ZNF555: variants seen among roughly 807,000 people sequenced by gnomAD.
The protein encoded by ZNF555 is zinc finger protein 555.
In ZNF555, 10 loss-of-function variants were observed where a neutral mutation model predicts 14.0. The ratio of observed to expected loss-of-function variants is 0.72; its 90% confidence interval spans 0.44 to 1.21. The LOEUF is 1.21. Among genes scored for constraint, ZNF555 ranks in the 50% most tolerant of loss-of-function variants. The pLI, the probability that ZNF555 is intolerant of heterozygous loss-of-function variation, is 0.00. For synonymous variants in ZNF555, 277 were observed against 262.4 expected (o/e 1.06, Z -0.54); for missense variants, 747 against 762.0 (o/e 0.98, Z 0.23).
chr19:2,845,086 A>T (rs1021180310), intron 1 of ZNF555, among the ~76,000 whole-genome samples: 2 of 152,212 alleles, frequency 1.3e-5, no homozygotes, highest in Non-Finnish European at 2.9e-5. Context: ...TGGACATGGT[A>T]GCCATGAGGA....
At chr19:2,841,718 C>G (rs1157992211) in intron 1 of ZNF555, 143 bp downstream of exon 1, 15 of 975,468 alleles carry the variant, frequency 1.5e-5, no homozygotes, top group South Asian at 3.4e-5. Flanking sequence ...CCCCGGGGGT[C>G]CCGCCCGGCC....
At chr19:2,848,489 C>T (rs2087601553) in intron 1 of ZNF555, among the ~76,000 whole-genome samples, 1 of 151,796 alleles carries the variant, frequency 6.6e-6, no homozygotes, top group Non-Finnish European at 1.5e-5. Flanking sequence ...TACTGTGTTT[C>T]TCAGGCTGTA....
chr19:2,845,876 C>G (rs1024943540), intron 1 of ZNF555, among the ~76,000 whole-genome samples: 1 of 152,198 alleles, frequency 6.6e-6, no homozygotes, highest in Non-Finnish European at 1.5e-5. Context: ...AAACTTAGAC[C>G]TGGGTGTCTT....
chr19:2,843,793 A>C (rs545737740), intron 1 of ZNF555, among the ~76,000 whole-genome samples: 2 of 152,336 alleles, frequency 1.3e-5, no homozygotes, highest in South Asian at 4.1e-4. Flanking sequence ...TATCCTCTGC[A>C]ATGCCGGCCC....
At chr19:2,841,975 G>A (rs1396039099) in intron 1 of ZNF555, among the ~76,000 whole-genome samples, 4 of 151,912 alleles carry the variant, frequency 2.6e-5, no homozygotes, top group Admixed American at 2.0e-4. Flanking sequence ...AGACCCCGAG[G>A]TGCGGTCCAG....
chr19:2,853,867 C>A lies in ZNF555; in HGVS notation c.1802C>A (p.Ala601Glu). ...AAGTGTAATGTAGGACATCCTCCTG[C>A]AAATGAATTCATGTGCAGTGCTTCA... ...QYKCNVGHPP[A>E]NEFMCSASEK... The change falls in exon 4 of 4, where the codon GCA (alanine) becomes GAA (glutamate). Residue 601 changes from alanine to glutamate, a missense_variant. Ala to Glu is a moderately radical substitution (Grantham distance 107). Coordinates refer to ENST00000334241, the MANE Select transcript of ZNF555 (RefSeq NM_152791.5). The A allele has an allele frequency of 6.2e-7, 1 of 1,614,048 alleles. No individual in the cohort carries two copies. Among genetic ancestry groups the A allele is most frequent in the Non-Finnish European group, 8.5e-7 (1 of 1,180,028 alleles).
rs1166773539 is a variant in ZNF555, at chr19:2,860,289, G to A, written c.*6337G>A. Reference sequence around the variant, plus strand: ...GTCTCAGTGGTGGTCCCTGTTTTCAGGAAAGAGTGTCTGTGAATGTCCATG... The same window carrying A: ...GTCTCAGTGGTGGTCCCTGTTTTCAAGAAAGAGTGTCTGTGAATGTCCATG... On this transcript the variant is annotated 3_prime_UTR_variant, in exon 4 of 4. Transcript: ENST00000334241. 2.0e-5 allele frequency: 3 copies of A among 152,062 alleles called. No homozygotes were observed. The highest frequency in any genetic ancestry group is 4.4e-5 in the Non-Finnish European group (3 of 68,018). 9.4% of individuals were successfully genotyped at this position (152,062 alleles called of 1,614,324 possible).
intron 1 of ZNF555, among the ~76,000 whole-genome samples, chr19:2,841,950 A>G (rs1034601020): frequency 2.0e-5 from 3 of 151,580 alleles, no homozygotes; most frequent in Non-Finnish European, 4.4e-5. Context: ...GGGCCGCGGG[A>G]GGCAGAGTCG....
chr19:2,842,998 G>A (rs2087551176), intron 1 of ZNF555, among the ~76,000 whole-genome samples: 1 of 151,148 alleles, frequency 6.6e-6, no homozygotes, highest in Non-Finnish European at 1.5e-5. Context: ...AGCTGAGAAC[G>A]CGCCATTGCA....
Position 2,852,820 on chromosome 19 carries a change from G to C in ZNF555, c.755G>C (p.Gly252Ala). The change falls in exon 4 of 4, where the codon GGA becomes GCA. Residue 252 changes from glycine to alanine, a missense_variant. Transcript: ENST00000334241. ...ACTAGTCATCTCAGAAGTCACACCGGAGAGAAGCCATATAAGTGTAAGGAA... is the reference window on the plus strand; with the variant it reads ...ACTAGTCATCTCAGAAGTCACACCGCAGAGAAGCCATATAAGTGTAAGGAA... ...SLTSHLRSHT[G>A]EKPYKCKECG... 1.2e-6 allele frequency: 2 copies of C among 1,614,166 alleles called. No individual in the cohort carries two copies. The highest frequency in any genetic ancestry group is 1.7e-6 in the Non-Finnish European group (2 of 1,180,030).
At position 2,857,989 on chromosome 19, in the gene ZNF555, C is replaced by G. The variant is rs1406050220; in HGVS notation, c.*4037C>G. 1 of 152,274 alleles carries G rather than the reference C, an allele frequency of 6.6e-6. No homozygotes were observed. The highest frequency in any genetic ancestry group is 2.4e-5 in the African/African-American group (1 of 41,424). The allele number at this position is 152,274 out of a possible 1,614,324, so 9.4% of individuals were successfully genotyped here. A position where few individuals can be genotyped will look rare whatever the true frequency, so the allele number is the denominator to read the frequency against. The stretch of plus-strand genomic sequence containing the variant: ...GGATCACTTGAAGTCAGGAGCTAGA[C>G]ACCAGTCTGGGCAACATAGCGAGAC... On this transcript the variant is annotated 3_prime_UTR_variant, in exon 4 of 4. Transcript: ENST00000334241.
chr19:2,848,632 G>A (rs2087602763), intron 1 of ZNF555, among the ~76,000 whole-genome samples: 1 of 151,940 alleles, frequency 6.6e-6, no homozygotes, highest in Non-Finnish European at 1.5e-5. Context: ...ATTTTTAGTA[G>A]AGATGGGGTT....
At chr19:2,842,972 G>A (rs374298402) in intron 1 of ZNF555, among the ~76,000 whole-genome samples, 26 of 152,176 alleles carry the variant, frequency 1.7e-4, no homozygotes, top group Non-Finnish European at 3.4e-4. Context: ...GAACGCAGAA[G>A]GCGGAGGTTG....
Position 2,852,926 on chromosome 19 carries a change from G to A in ZNF555, c.861G>A (p.Lys287=). 1 of 1,614,178 alleles carries A rather than the reference G, an allele frequency of 6.2e-7. No homozygotes were observed. Among genetic ancestry groups the A allele is most frequent in the Non-Finnish European group, 8.5e-7 (1 of 1,180,036 alleles). The change falls in exon 4 of 4, where the codon AAG becomes AAA. Residue 287 remains lysine, a synonymous_variant. Transcript: ENST00000334241. ...CTGGCGAGAAGCCATATAAATGTAA[G>A]GAATGTGCGGAAGCCTTTAGTTATT... The part of the protein sequence containing the change: ...THTGEKPYKC[K]ECAEAFSYSS...
At chr19:2,844,077 T>G (rs751651041) in intron 1 of ZNF555, among the ~76,000 whole-genome samples, 2 of 141,022 alleles carry the variant, frequency 1.4e-5, no homozygotes, top group Non-Finnish European at 3.1e-5. Context: ...TCTCCCTCTT[T>G]CCTTTCTCTC....
chr19:2,853,925 A>C lies in ZNF555; in HGVS notation c.1860A>C (p.Lys620Asn), dbSNP rs775734030. 1.9e-6 allele frequency: 3 copies of C among 1,613,814 alleles called. No homozygotes were observed. The highest frequency in any genetic ancestry group is 2.5e-6 in the Non-Finnish European group (3 of 1,180,004). Residue 620 changes from lysine to asparagine, a missense_variant, in exon 4 of 4, where the codon AAA (lysine) becomes AAC (asparagine). Transcript: ENST00000334241. ...CACACCAGGAGAGAGATCTGATCAAAGTTGTAAATATGGTGTTGCCTTTAT... is the reference window on the plus strand; with the variant it reads ...CACACCAGGAGAGAGATCTGATCAACGTTGTAAATATGGTGTTGCCTTTAT... The part of the protein sequence containing the change: ...EKSHQERDLI[K>N]VVNMVLPL
chr19:2,856,331 A>C lies in ZNF555; in HGVS notation c.*2379A>C, dbSNP rs890084738. The C allele has an allele frequency of 2.6e-5, 4 of 151,910 alleles. No individual in the cohort carries two copies. Among genetic ancestry groups the C allele is most frequent in the African/African-American group, 7.3e-5 (3 of 41,314 alleles). The allele number at this position is 151,910 out of a possible 1,614,324, so 9.4% of individuals were successfully genotyped here. On this transcript the variant is annotated 3_prime_UTR_variant, in exon 4 of 4. Coordinates refer to ENST00000334241, the MANE Select transcript of ZNF555 (RefSeq NM_152791.5). ...TTGATTCTCCTGCCTCAGCCTCCCG[A>C]GTAGTTGGGATTACAGGCATGCACC... is the stretch of plus-strand genomic sequence containing the variant.
Position 2,853,090 on chromosome 19 carries a change from GCAAA to G in ZNF555, c.1029_1032del (p.Lys343AsnfsTer72), listed in dbSNP as rs780773233. 5 of 1,614,196 alleles carry G rather than the reference GCAAA, an allele frequency of 3.1e-6. No homozygotes were observed. Among genetic ancestry groups the G allele is most frequent in the Non-Finnish European group, 4.2e-6 (5 of 1,180,038 alleles). ...CACACTGGAGAGAAACCCTACGAAT[GCAAA>G]CAATGTGGGAAAACCTTCATTTATC... is the stretch of plus-strand genomic sequence containing the variant. On this transcript the variant is annotated frameshift_variant, in exon 4 of 4. Coordinates refer to ENST00000334241, the MANE Select transcript of ZNF555 (RefSeq NM_152791.5). LOFTEE classifies it low-confidence loss of function (END_TRUNC).
Position 2,852,435 on chromosome 19 carries a change from C to G in ZNF555, c.370C>G (p.Leu124Val). ...CESNDQCGEALSQIPHLNLYK... is the reference protein window; with the variant it reads ...CESNDQCGEAVSQIPHLNLYK... The stretch of plus-strand genomic sequence containing the variant: ...AAGTAATGATCAATGTGGAGAAGCC[C>G]TCAGCCAGATTCCACATCTTAATCT... The change falls in exon 4 of 4, where the codon CTC (leucine) becomes GTC (valine). Residue 124 changes from leucine to valine, a missense_variant. Transcript: ENST00000334241. 6.2e-7 allele frequency: 1 copy of G among 1,614,118 alleles called. No homozygotes were observed. Among genetic ancestry groups the G allele is most frequent in the East Asian group, 2.2e-5 (1 of 44,886 alleles).
Sources: allele counts gnomAD v4.1 joint callset (sites outside exome capture counted in the v4.1 genomes callset), GRCh38; gene constraint gnomAD v4.1.1; transcripts MANE v1.5; gene names NCBI Gene and HGNC (gene_info 2026-07-23, HGNC 2026-07-21).